The following CFAP45 variants were observed in gnomAD, a reference collection of about 807,000 sequenced individuals.
CFAP45 encodes cilia and flagella associated protein 45.
A neutral mutation model predicts 75.6 loss-of-function variants in CFAP45; 43 were observed. That is an observed-to-expected ratio of 0.57 (90% CI 0.45 to 0.73). The LOEUF is 0.73. Among genes scored for constraint, CFAP45 ranks in the 30% least tolerant of loss-of-function variants. CFAP45 has a pLI of 0.00. For synonymous variants in CFAP45, 223 were observed against 244.6 expected (o/e 0.91, Z 0.82); for missense variants, 689 against 701.5 (o/e 0.98, Z 0.20).
At chr1:159,884,266 C>T (rs1649621965) in intron 7 of CFAP45, among the ~76,000 whole-genome samples, 170 bp downstream of exon 7, 1 of 152,174 alleles carries the variant, frequency 6.6e-6, no homozygotes, top group Non-Finnish European at 1.5e-5. Context: ...CGCAGCGTGA[C>T]ACCATGGTGA....
chr1:159,899,243 C>T (rs913401806), intron 1 of CFAP45, among the ~76,000 whole-genome samples: 1 of 152,184 alleles, frequency 6.6e-6, no homozygotes, highest in South Asian at 2.1e-4. Flanking sequence ...ATCTCTCTCC[C>T]GGGCCTTGCA....
chr1:159,895,218 C>T (rs1443836018), intron 1 of CFAP45, among the ~76,000 whole-genome samples: 1 of 152,166 alleles, frequency 6.6e-6, no homozygotes. Flanking sequence ...TGGATGACTC[C>T]AGGCTTATGA....
intron 5 of CFAP45, among the ~76,000 whole-genome samples, chr1:159,887,496 A>G (rs894114226): frequency 2.0e-5 from 3 of 152,144 alleles, no homozygotes; most frequent in African/African-American, 7.2e-5. Flanking sequence ...TAAAAGTAAC[A>G]CTGCACATTT....
chr1:159,878,773 A>AAAAAAAAAC (rs1377292252), intron 8 of CFAP45, among the ~76,000 whole-genome samples: 12 of 142,944 alleles, frequency 8.4e-5, no homozygotes, highest in Admixed American at 2.1e-4. Context: ...AAAAAAAAAA[A>AAAAAAAAAC]AAAAAAAAAC....
chr1:159,875,011 G>A (rs950538613), intron 10 of CFAP45, among the ~76,000 whole-genome samples: 1 of 152,168 alleles, frequency 6.6e-6, no homozygotes, highest in Non-Finnish European at 1.5e-5. Flanking sequence ...TGGCAGAGAT[G>A]CTTCTGAGTA....
In CFAP45 at chr1:159,886,700, G is replaced by A; in HGVS notation, c.589-11C>T. On this transcript the variant is annotated splice_polypyrimidine_tract_variant and intron_variant, in intron 5 of 11. Coordinates refer to ENST00000368099, the MANE Select transcript of CFAP45 (RefSeq NM_012337.3). ...AGCATTGAGGATAATCTGGAGAGTGGAGATTAAACTGTAGCACTAGGCCTA... is the reference window on the plus strand; with the variant it reads ...AGCATTGAGGATAATCTGGAGAGTGAAGATTAAACTGTAGCACTAGGCCTA... The A allele has an allele frequency of 1.2e-6, 2 of 1,612,226 alleles. No homozygotes were observed. Among genetic ancestry groups the A allele is most frequent in the South Asian group, 1.1e-5 (1 of 91,028 alleles).
chr1:159,876,678 C>T lies in CFAP45; in HGVS notation c.1230G>A (p.Ala410=), dbSNP rs759821163. Residue 410 remains alanine (A), a synonymous_variant, in exon 10 of 12, where the codon GCG becomes GCA. Coordinates refer to ENST00000368099, the MANE Select transcript of CFAP45 (RefSeq NM_012337.3). ...REWRRKEKEN[A]RKKMETEAEL... is the part of the protein sequence containing the mutation. ...CAGCCTCTGTTTCCATCTTCTTCCG[C>T]GCATTTTCCTTTTCCTTTCTGCGCC... is the stretch of plus-strand genomic sequence containing the variant. 82 of 1,614,090 alleles carry T rather than the reference C, an allele frequency of 5.1e-5. No homozygotes were observed. Among genetic ancestry groups the T allele is most frequent in the South Asian group, 1.8e-4 (16 of 91,080 alleles).
In CFAP45 at chr1:159,872,433, A is replaced by T. The variant is rs1649300648; in HGVS notation, c.*52T>A. ...TAGCAGCAATTATGGATGCCCAGAG[A>T]CTGGGCAGAATCTGTCCCCCGAAGG... On this transcript the variant is annotated 3_prime_UTR_variant, in exon 12 of 12. Coordinates refer to ENST00000368099, the MANE Select transcript of CFAP45 (RefSeq NM_012337.3). The T allele has an allele frequency of 7.5e-7, 1 of 1,327,108 alleles. No homozygotes were observed. The highest frequency in any genetic ancestry group is 1.1e-6 in the Non-Finnish European group (1 of 918,136). The allele number at this position is 1,327,108 out of a possible 1,614,324, so 82.2% of individuals were successfully genotyped here. A position where few individuals can be genotyped will look rare whatever the true frequency, so the allele number is the denominator to read the frequency against.
In CFAP45 at chr1:159,876,661, G is replaced by C. The variant is rs1557911029; in HGVS notation, c.1247C>G (p.Thr416Arg). ...CCGACTTTTTCGCAGCTCAGCCTCT[G>C]TTTCCATCTTCTTCCGCGCATTTTC... The part of the protein sequence containing the change: ...EKENARKKME[T>R]EAELRKSRLE... Residue 416 changes from threonine (T) to arginine (R), a missense_variant, in exon 10 of 12, where the codon ACA becomes AGA. Transcript: ENST00000368099. 1.9e-6 allele frequency: 3 copies of C among 1,614,184 alleles called. No homozygotes were observed. The highest frequency in any genetic ancestry group is 8.5e-7 in the Non-Finnish European group (1 of 1,180,034).
intron 1 of CFAP45, 80 bp from the exon 2 acceptor site, chr1:159,893,385 A>G: frequency 7.2e-7 from 1 of 1,393,648 alleles, no homozygotes; most frequent in Non-Finnish European, 1.0e-6. Context: ...TCACCAGCCC[A>G]TGCTGGGGGA....
intron 3 of CFAP45, 78 bp downstream of exon 3, chr1:159,890,402 G>A (rs1649796247): frequency 2.8e-6 from 4 of 1,431,596 alleles, no homozygotes; most frequent in South Asian, 1.2e-5. Flanking sequence ...AACCAGGTGG[G>A]TTTACCCATC....
At chr1:159,885,431 G>C (rs1379634629) in intron 6 of CFAP45, among the ~76,000 whole-genome samples, 1 of 152,204 alleles carries the variant, frequency 6.6e-6, no homozygotes, top group South Asian at 2.1e-4. Flanking sequence ...TGGTTCCAGA[G>C]AACAGGATAC....
rs369393077 is a variant in CFAP45 at position 159,873,140 on chromosome 1, G to T, written c.1381C>A (p.Arg461=). 1.8e-5 allele frequency: 29 copies of T among 1,613,558 alleles called. No homozygotes were observed. In the East Asian group the frequency reaches 6.0e-4, roughly 34 times the overall value. ...GTGGCCTTTTTCTCCTCCTCCAGCC[G>T]CTCCTTCTCAATCTGTTCTCTCTGA... ...RAQREQIEKE[R]LEEEKKATGR... Residue 461 remains arginine (R), a synonymous_variant, in exon 11 of 12, where the codon CGG becomes AGG. Transcript: ENST00000368099.
At chr1:159,897,628 T>A (rs561935221) in intron 1 of CFAP45, among the ~76,000 whole-genome samples, 2 of 152,350 alleles carry the variant, frequency 1.3e-5, no homozygotes, top group African/African-American at 4.8e-5. Context: ...GATGTTTGTA[T>A]GGCAGGTATG....
chr1:159,884,331 G>A lies in CFAP45; in HGVS notation c.897+105C>T, dbSNP rs1649623488. 2.5e-6 allele frequency: 3 copies of A among 1,179,382 alleles called. No individual in the cohort carries two copies. In the African/African-American group the frequency reaches 4.7e-5, roughly 18 times the overall value. 73.1% of individuals were successfully genotyped at this position (1,179,382 alleles called of 1,614,324 possible). A position where few individuals can be genotyped will look rare whatever the true frequency, so the allele number is the denominator to read the frequency against. ...TGACGGTGATGATGTTGTGAAATGA[G>A]CATGTGCCTGGCAGAAAATCAGTCA... On this transcript the variant is annotated intron_variant, in intron 7 of 11. Coordinates refer to ENST00000368099, the MANE Select transcript of CFAP45 (RefSeq NM_012337.3).
intron 5 of CFAP45, 113 bp from the exon 6 acceptor site, chr1:159,886,802 C>A: frequency 1.3e-6 from 1 of 796,630 alleles, no homozygotes. Context: ...TGCATGACTG[C>A]TCACAAGTCC....
chr1:159,878,753 T>TAAAAAAAAAAAAAAAAAAAAAACAAAA (rs1649470417), intron 8 of CFAP45, among the ~76,000 whole-genome samples: 1 of 32,496 alleles, frequency 3.1e-5, no homozygotes, highest in Non-Finnish European at 5.8e-5. Context: ...AGACTACATC[T>TAAAAAAAAAAAAAAAAAAAAAACAAAA]AAAAAAAAAA....
At chr1:159,897,211 C>T (rs55932532) in intron 1 of CFAP45, among the ~76,000 whole-genome samples, 19 of 152,022 alleles carry the variant, frequency 1.2e-4, no homozygotes, top group African/African-American at 3.9e-4. Context: ...TTGCAGTGAG[C>T]CAAGGTTGAG....
intron 6 of CFAP45, among the ~76,000 whole-genome samples, chr1:159,885,120 A>G (rs1571184438): frequency 6.6e-6 from 1 of 152,206 alleles, no homozygotes; most frequent in African/African-American, 2.4e-5. Context: ...GGGAAAGAGT[A>G]TGAGAGCCAC....
Sources: allele counts gnomAD v4.1 joint callset (sites outside exome capture counted in the v4.1 genomes callset), GRCh38; gene constraint gnomAD v4.1.1; transcripts MANE v1.5; gene names NCBI Gene and HGNC (gene_info 2026-07-23, HGNC 2026-07-21).